Variants in ASIC2 observed in about 807,000 individuals in gnomAD.
The protein encoded by ASIC2 is acid sensing ion channel subunit 2.
A neutral mutation model predicts 57.3 loss-of-function variants in ASIC2; 25 were observed. The observed-to-expected ratio is 0.44, with a 90% CI of 0.32 to 0.61. The LOEUF (loss-of-function observed/expected upper bound fraction) is 0.61. Ranked by LOEUF, ASIC2 falls within the 20% of genes least tolerant of loss-of-function variation. The pLI, the probability that ASIC2 is intolerant of heterozygous loss-of-function variation, is 0.06. For missense variants in ASIC2, 641 were observed against 738.1 expected (o/e 0.87, Z 1.52); for synonymous variants, 319 against 307.5 (o/e 1.04, Z -0.39).
At chr17:33,940,464 T>C (rs1916163621) in intron 1 of ASIC2, among the ~76,000 whole-genome samples, 1 of 152,108 alleles carries the variant, frequency 6.6e-6, no homozygotes, top group Admixed American at 6.5e-5. Context: ...CATGGATAAA[T>C]TGCACTGTGG....
chr17:33,562,549 G>A (rs889803173), intron 1 of ASIC2, among the ~76,000 whole-genome samples: 2 of 152,150 alleles, frequency 1.3e-5, no homozygotes, highest in African/African-American at 2.4e-5. Context: ...CTGTCCTGGA[G>A]GGCCACCACC....
chr17:33,646,783 A>G (rs1906754968), intron 1 of ASIC2, among the ~76,000 whole-genome samples: 1 of 152,124 alleles, frequency 6.6e-6, no homozygotes, highest in Non-Finnish European at 1.5e-5. Flanking sequence ...CAAGGGGCAA[A>G]AAGAGTCTAG....
At chr17:33,963,080 T>C (rs1904974264) in intron 1 of ASIC2, among the ~76,000 whole-genome samples, 1 of 152,188 alleles carries the variant, frequency 6.6e-6, no homozygotes, top group East Asian at 1.9e-4. Context: ...GTTTTAAGGA[T>C]AAGAACATTG....
At chr17:33,900,572 A>T (rs986987079) in intron 1 of ASIC2, among the ~76,000 whole-genome samples, 5 of 152,224 alleles carry the variant, frequency 3.3e-5, no homozygotes, top group Admixed American at 2.0e-4. Flanking sequence ...AAAATTTTTT[A>T]ATCTCTATTA....
chr17:33,273,847 A>G (rs933736234), intron 1 of ASIC2, among the ~76,000 whole-genome samples: 25 of 151,498 alleles, frequency 1.7e-4, no homozygotes, highest in African/African-American at 6.1e-4. Flanking sequence ...GAAAGACTAA[A>G]GGCAGAATGG....
At chr17:33,760,885 G>A (rs1183338819) in intron 1 of ASIC2, among the ~76,000 whole-genome samples, 1 of 152,144 alleles carries the variant, frequency 6.6e-6, no homozygotes, top group Non-Finnish European at 1.5e-5. Flanking sequence ...CAACAAACCT[G>A]CAGTACCTGA....
chr17:33,826,942 G>A (rs1371494340), intron 1 of ASIC2, among the ~76,000 whole-genome samples: 1 of 152,162 alleles, frequency 6.6e-6, no homozygotes, highest in Non-Finnish European at 1.5e-5. Flanking sequence ...ATAGAGAATG[G>A]AGAAACCTTT....
At chr17:33,843,585 T>A (rs574572533) in intron 1 of ASIC2, among the ~76,000 whole-genome samples, 13 of 152,340 alleles carry the variant, frequency 8.5e-5, no homozygotes, top group African/African-American at 3.1e-4. Context: ...TCCTCTATTT[T>A]CTTCTGCTTA....
At chr17:33,874,158 G>T (rs995026416) in intron 1 of ASIC2, among the ~76,000 whole-genome samples, 1 of 152,092 alleles carries the variant, frequency 6.6e-6, no homozygotes, top group Non-Finnish European at 1.5e-5. Context: ...GCGATGCCCT[G>T]GTGAAAAGAG....
At chr17:33,590,180 C>G (rs529497134) in intron 1 of ASIC2, among the ~76,000 whole-genome samples, 1 of 152,186 alleles carries the variant, frequency 6.6e-6, no homozygotes, top group African/African-American at 2.4e-5. Context: ...CTATATCCTT[C>G]CCTACTTCCA....
chr17:33,107,778 C>A (rs1163669112), intron 2 of ASIC2, among the ~76,000 whole-genome samples: 1 of 152,196 alleles, frequency 6.6e-6, no homozygotes, highest in Admixed American at 6.5e-5. Context: ...CACCACCTCC[C>A]CAAAAGGTCC....
At position 33,068,114 on chromosome 17, in the gene ASIC2, C is replaced by T. The variant is rs534263162; in HGVS notation, c.987+20749G>A. Among the ~76,000 whole-genome samples the T allele has an allele frequency of 2.0e-5, 3 of 152,156 alleles. No homozygotes were observed. In the East Asian group the frequency reaches 5.8e-4, roughly 29 times the overall value. On this transcript the variant is annotated intron_variant, in intron 3 of 9. Transcript: ENST00000225823. Reference sequence around the variant, plus strand: ...CAGGGGAAAACCTGGTAAGTGAGATCCCTTTGTGGGCTTCTAGGTGACTGG... The same window carrying T: ...CAGGGGAAAACCTGGTAAGTGAGATTCCTTTGTGGGCTTCTAGGTGACTGG...
At chr17:33,305,541 T>C (rs540697787) in intron 1 of ASIC2, among the ~76,000 whole-genome samples, 2 of 152,258 alleles carry the variant, frequency 1.3e-5, no homozygotes, top group Admixed American at 6.5e-5. Flanking sequence ...GCAAAACAAC[T>C]AAAAAACATA....
chr17:33,441,543 G>A, intron 1 of ASIC2, among the ~76,000 whole-genome samples: 1 of 152,120 alleles, frequency 6.6e-6, no homozygotes, highest in South Asian at 2.1e-4. Flanking sequence ...AGGACATGCT[G>A]CCCCAAAATA....
intron 1 of ASIC2, among the ~76,000 whole-genome samples, chr17:33,995,685 C>A (rs1477570208): frequency 6.6e-6 from 1 of 151,948 alleles, no homozygotes; most frequent in Non-Finnish European, 1.5e-5. Flanking sequence ...TATACACACA[C>A]ACAAATGCAC....
intron 1 of ASIC2, among the ~76,000 whole-genome samples, chr17:33,634,048 A>G (rs1305217169): frequency 6.6e-6 from 1 of 152,182 alleles, no homozygotes; most frequent in African/African-American, 2.4e-5. Context: ...GTGCTGCTAG[A>G]CCACAGCTTG....
At chr17:34,096,542 T>A (rs892985038) in intron 1 of ASIC2, among the ~76,000 whole-genome samples, 1 of 151,964 alleles carries the variant, frequency 6.6e-6, no homozygotes. Flanking sequence ...ATCCCATTGA[T>A]CATAGTGCAG....
intron 1 of ASIC2, among the ~76,000 whole-genome samples, chr17:33,527,198 G>C (rs1206164919): frequency 6.6e-6 from 1 of 152,162 alleles, no homozygotes; most frequent in Admixed American, 6.5e-5. Flanking sequence ...GGAGGAGATG[G>C]ACAGTAGGGT....
At chr17:33,217,217 G>A (rs916730016) in intron 1 of ASIC2, among the ~76,000 whole-genome samples, 1 of 152,170 alleles carries the variant, frequency 6.6e-6, no homozygotes, top group Non-Finnish European at 1.5e-5. Flanking sequence ...CTGATGGATG[G>A]TTACCCCAAA....
Sources: gnomAD v4.1 joint callset for allele counts (sites outside exome capture counted in the v4.1 genomes callset) on GRCh38, gnomAD v4.1.1 for gene constraint, MANE v1.5 for transcripts, NCBI Gene and HGNC (gene_info 2026-07-23, HGNC 2026-07-21) for gene names.